ZBTB38: variants seen among roughly 807,000 people sequenced by gnomAD.
ZBTB38 encodes the protein zinc finger and BTB domain-containing protein 38.
Under a neutral mutation model 76.8 loss-of-function variants are expected in ZBTB38, and 20 were observed. The observed-to-expected ratio is 0.26, with a 90% CI of 0.18 to 0.38. The LOEUF is 0.38. Among genes scored for constraint, ZBTB38 ranks in the 10% least tolerant of loss-of-function variants. The pLI is 1.00. For synonymous variants in ZBTB38, 504 were observed against 544.2 expected (o/e 0.93, Z 1.03); for missense variants, 1,082 against 1,482.3 (o/e 0.73, Z 4.43).
intron 5 of ZBTB38, among the ~76,000 whole-genome samples, chr3:141,405,447 A>G (rs1954030802): frequency 6.6e-6 from 1 of 152,224 alleles, no homozygotes; most frequent in East Asian, 1.9e-4. Flanking sequence ...CATTTAACTC[A>G]TAATCCAAGA....
chr3:141,352,622 C>A (rs1251262082), intron 1 of ZBTB38, among the ~76,000 whole-genome samples: 2 of 151,950 alleles, frequency 1.3e-5, no homozygotes, highest in East Asian at 3.9e-4. Flanking sequence ...TGGGGGAGAA[C>A]TTAAAGCAAA....
At position 141,443,428 on chromosome 3, in the gene ZBTB38, G is replaced by A. The variant is rs2080650091; in HGVS notation, c.1040G>A (p.Cys347Tyr). 6.2e-7 allele frequency: 1 copy of A among 1,614,128 alleles called. No individual in the cohort carries two copies. Among genetic ancestry groups the A allele is most frequent in the African/African-American group, 1.3e-5 (1 of 74,930 alleles). Reference protein sequence around the residue: ...VPPLVYNCSCCSKAFDSSTLL... With the variant: ...VPPLVYNCSCYSKAFDSSTLL... The stretch of plus-strand genomic sequence containing the variant: ...CCTCTGGTGTACAATTGTAGCTGCT[G>A]TTCCAAAGCCTTTGACAGCAGCACT... The change falls in exon 6 of 6, where the codon TGT (cysteine) becomes TAT (tyrosine). Residue 347 changes from cysteine (C) to tyrosine (Y), a missense_variant. Cys to Tyr is a radical substitution (Grantham distance 194, BLOSUM62 -2). This residue lies in a region of ZBTB38 where 324 missense variants were observed against 359.1 expected (regional missense o/e 0.90). Coordinates refer to ENST00000321464, the MANE Select transcript of ZBTB38 (RefSeq NM_001376113.1). This position sits in a 1 kb window ranked among gnomAD's most constrained non-coding sequence, Gnocchi z 5.6.
At position 141,449,153 on chromosome 3, in the gene ZBTB38, C is replaced by T. The variant is rs1307862215; in HGVS notation, c.*3177C>T. On this transcript the variant is annotated 3_prime_UTR_variant, in exon 6 of 6. Coordinates refer to ENST00000321464, the MANE Select transcript of ZBTB38 (RefSeq NM_001376113.1). Reference sequence around the variant, plus strand: ...AACCAGACAAAGCCAGGATGCTAACCTAGGTCTGCCTGACTCCAAAGCCCA... The same window carrying T: ...AACCAGACAAAGCCAGGATGCTAACTTAGGTCTGCCTGACTCCAAAGCCCA... 6.6e-6 allele frequency: 1 copy of T among 152,208 alleles called. No individual in the cohort carries two copies. Among genetic ancestry groups the T allele is most frequent in the Non-Finnish European group, 1.5e-5 (1 of 68,044 alleles). The allele number at this position is 152,208 out of a possible 1,614,324, so 9.4% of individuals were successfully genotyped here.
chr3:141,372,801 G>A (rs1397468152), intron 2 of ZBTB38, among the ~76,000 whole-genome samples: 2 of 152,192 alleles, frequency 1.3e-5, no homozygotes, highest in African/African-American at 4.8e-5. Context: ...GCCTAACAGA[G>A]TCTTTCAGGA....
intron 1 of ZBTB38, among the ~76,000 whole-genome samples, chr3:141,329,467 C>T (rs1266645053): frequency 6.6e-6 from 1 of 152,188 alleles, no homozygotes; most frequent in Non-Finnish European, 1.5e-5. Context: ...CCACTTGCCT[C>T]TGGAAAGAAT....
chr3:141,337,976 T>C (rs1407361908), intron 1 of ZBTB38, among the ~76,000 whole-genome samples: 1 of 152,166 alleles, frequency 6.6e-6, no homozygotes, highest in African/African-American at 2.4e-5. Context: ...GTGCTGGAAA[T>C]GGTACCCAGC....
At chr3:141,343,504 T>C (rs773557261) in intron 1 of ZBTB38, among the ~76,000 whole-genome samples, 1 of 152,026 alleles carries the variant, frequency 6.6e-6, no homozygotes, top group African/African-American at 2.4e-5. Context: ...GTAGAATGTT[T>C]CTCCCACAAA....
chr3:141,328,611 C>T (rs1942748123), intron 1 of ZBTB38, among the ~76,000 whole-genome samples: 1 of 152,142 alleles, frequency 6.6e-6, no homozygotes, highest in African/African-American at 2.4e-5. Flanking sequence ...TGTCTCATCA[C>T]AGAGCCCCTA....
rs772810647 is a variant in ZBTB38, at chr3:141,442,831, A to C, written c.443A>C (p.Lys148Thr). 15 of 1,614,120 alleles carry C rather than the reference A, an allele frequency of 9.3e-6. No homozygotes were observed. Among genetic ancestry groups the C allele is most frequent in the Non-Finnish European group, 1.3e-5 (15 of 1,180,052 alleles). The change falls in exon 6 of 6, where the codon AAA becomes ACA. Residue 148 changes from lysine (K) to threonine (T), a missense_variant. By Grantham distance (78) the Lys-to-Thr change is moderately conservative. Around this residue, in one of 8 missense-constraint regions of ZBTB38, gnomAD observed 34 missense variants for 40.4 expected, o/e 0.84. Transcript: ENST00000321464. The surrounding 1 kb of genome is among the most constrained non-coding windows in gnomAD (Gnocchi z 6.4). ...GAAAAGGGAGTGGTTAAAGAAGAAAAAAATGAAAAAAGGCATGAAGAACCA... is the reference window on the plus strand; with the variant it reads ...GAAAAGGGAGTGGTTAAAGAAGAAACAAATGAAAAAAGGCATGAAGAACCA... ...ITEKGVVKEE[K>T]NEKRHEEPAI...
At chr3:141,382,046 G>C (rs1946272247) in intron 3 of ZBTB38, among the ~76,000 whole-genome samples, 1 of 152,100 alleles carries the variant, frequency 6.6e-6, no homozygotes, top group Non-Finnish European at 1.5e-5. Context: ...AATCATAATA[G>C]CTACTTAGGT....
intron 1 of ZBTB38, among the ~76,000 whole-genome samples, chr3:141,343,155 C>A (rs143099818): frequency 1.3e-5 from 2 of 152,040 alleles, no homozygotes; most frequent in African/African-American, 4.8e-5. Context: ...CTTGCTGGAT[C>A]GGAGGAAGTT....
chr3:141,422,280 T>C (rs903450850), intron 5 of ZBTB38, among the ~76,000 whole-genome samples: 1 of 152,152 alleles, frequency 6.6e-6, no homozygotes, highest in Non-Finnish European at 1.5e-5. Flanking sequence ...CCTTTCTCTC[T>C]GGCCTTTCTC....
chr3:141,448,178 T>G lies in ZBTB38; in HGVS notation c.*2202T>G, dbSNP rs982229828. 6.6e-6 allele frequency: 1 copy of G among 152,652 alleles called. No individual in the cohort carries two copies. Among genetic ancestry groups the G allele is most frequent in the Non-Finnish European group, 1.5e-5 (1 of 68,016 alleles). The allele number at this position is 152,652 out of a possible 1,614,324, so 9.5% of individuals were successfully genotyped here. On this transcript the variant is annotated 3_prime_UTR_variant, in exon 6 of 6. Coordinates refer to ENST00000321464, the MANE Select transcript of ZBTB38 (RefSeq NM_001376113.1). Reference sequence around the variant, plus strand: ...AAATATAAAATTACCTGTAGTGATGTCTCTCTCCCAGCCCTTATATGTGGA... The same window carrying G: ...AAATATAAAATTACCTGTAGTGATGGCTCTCTCCCAGCCCTTATATGTGGA...
At chr3:141,431,335 A>ATATATATATAT (rs1185607775) in intron 5 of ZBTB38, among the ~76,000 whole-genome samples, 1 of 101,468 alleles carries the variant, frequency 9.9e-6, no homozygotes. Context: ...AAAAAAAAAA[A>ATATATATATAT]AAAAAAATAT....
At chr3:141,424,030 C>A (rs958150911) in intron 5 of ZBTB38, among the ~76,000 whole-genome samples, 1 of 152,176 alleles carries the variant, frequency 6.6e-6, no homozygotes, top group African/African-American at 2.4e-5. Context: ...ACAGACAATA[C>A]ACAGATAAAA....
At chr3:141,400,535 A>G (rs144335921) in intron 4 of ZBTB38, among the ~76,000 whole-genome samples, 3 of 152,256 alleles carry the variant, frequency 2.0e-5, no homozygotes, top group Admixed American at 6.5e-5. Context: ...CCTTTATGTC[A>G]CTCACCATGT....
chr3:141,408,348 AC>A (rs1955361448), intron 5 of ZBTB38, among the ~76,000 whole-genome samples: 1 of 152,194 alleles, frequency 6.6e-6, no homozygotes, highest in African/African-American at 2.4e-5. Flanking sequence ...GGAGTTCGGG[AC>A]CAGCCTGGCC....
intron 1 of ZBTB38, among the ~76,000 whole-genome samples, chr3:141,328,907 A>C (rs1442173268): frequency 6.6e-6 from 1 of 152,028 alleles, no homozygotes; most frequent in Non-Finnish European, 1.5e-5. Context: ...GGTCTTCAAA[A>C]TTCAACCCAA....
chr3:141,353,016 C>G (rs1251828006), intron 1 of ZBTB38, among the ~76,000 whole-genome samples: 1 of 152,060 alleles, frequency 6.6e-6, no homozygotes, highest in East Asian at 1.9e-4. Flanking sequence ...CCTCCCCTTC[C>G]CCCATCCCCA....
Sources: gnomAD v4.1 joint callset for allele counts (sites outside exome capture counted in the v4.1 genomes callset) on GRCh38, gnomAD v4.1.1 for gene constraint, gnomAD v4.1.1 regional missense constraint, Gnocchi (gnomAD v3.1) non-coding constraint, MANE v1.5 for transcripts, NCBI Gene and HGNC (gene_info 2026-07-23, HGNC 2026-07-21) for gene names.